The following GSE1 variants were observed in gnomAD, a reference collection of about 807,000 sequenced individuals.
The protein encoded by GSE1 is Gse1 coiled-coil protein.
In GSE1, 32 loss-of-function variants were observed where a neutral mutation model predicts 112.6. That is an observed-to-expected ratio of 0.28 (90% CI 0.21 to 0.38). GSE1 has a LOEUF of 0.38. Ranked by LOEUF, GSE1 falls within the 10% of genes least tolerant of loss-of-function variation. GSE1 has a pLI of 1.00. For missense variants in GSE1, 2,348 were observed against 1,699.2 expected, an observed-to-expected ratio of 1.38 and a Z score of -6.71; for synonymous variants, 1,115 against 735.6, an observed-to-expected ratio of 1.52 and a Z score of -8.35.
At chr16:85,535,231 C>T (rs1259184242) in intron 2 of GSE1, among the ~76,000 whole-genome samples, 1 of 152,190 alleles carries the variant, frequency 6.6e-6, no homozygotes, top group African/African-American at 2.4e-5. Flanking sequence ...TCCTGCCTCA[C>T]GGTGCCGAGA....
chr16:85,665,182 C>T, intron 12 of GSE1, 54 bp downstream of exon 12: 1 of 1,099,846 alleles, frequency 9.1e-7, no homozygotes, highest in Non-Finnish European at 1.4e-6. Context: ...CATGGGCTGC[C>T]CAGGCTCAGA....
intron 1 of GSE1, among the ~76,000 whole-genome samples, chr16:85,204,095 A>T (rs946629408): frequency 1.1e-4 from 17 of 152,158 alleles, no homozygotes; most frequent in African/African-American, 4.1e-4. Context: ...TAACCCCTAA[A>T]GGATACCCAT....
At chr16:85,395,352 G>A (rs1223109897) in intron 2 of GSE1, among the ~76,000 whole-genome samples, 7 of 152,144 alleles carry the variant, frequency 4.6e-5, no homozygotes, top group African/African-American at 1.4e-4. Context: ...AGATGATCGC[G>A]CCCTGCTGTG....
At chr16:85,643,334 C>A (rs2050597338) in intron 2 of GSE1, among the ~76,000 whole-genome samples, 1 of 152,194 alleles carries the variant, frequency 6.6e-6, no homozygotes, top group South Asian at 2.1e-4. Context: ...CAGGTGCCAG[C>A]CTCGCTAATG....
Position 85,675,784 on chromosome 16 carries a change from C to T in GSE1, c.*3245C>T, listed in dbSNP as rs1257538340. On this transcript the variant is annotated 3_prime_UTR_variant, in exon 16 of 16. Transcript: ENST00000253458. ...ATGGTCAGCACAAACCGATTCTGTTCCTCTTTAAAGTGTATATTAGCCACT... is the reference window on the plus strand; with the variant it reads ...ATGGTCAGCACAAACCGATTCTGTTTCTCTTTAAAGTGTATATTAGCCACT... 1 of 152,232 alleles carries T rather than the reference C, an allele frequency of 6.6e-6. No homozygotes were observed. Among genetic ancestry groups the T allele is most frequent in the Non-Finnish European group, 1.5e-5 (1 of 68,048 alleles). The allele number at this position is 152,232 out of a possible 1,614,324, so 9.4% of individuals were successfully genotyped here. A position where few individuals can be genotyped will look rare whatever the true frequency, so the allele number is the denominator to read the frequency against.
intron 1 of GSE1, among the ~76,000 whole-genome samples, chr16:85,316,958 A>T (rs1336642983): frequency 6.6e-6 from 1 of 152,170 alleles, no homozygotes; most frequent in African/African-American, 2.4e-5. Flanking sequence ...ACTTTTGGGG[A>T]ACCCACCTCT....
intron 14 of GSE1, 166 bp from the exon 15 acceptor site, chr16:85,670,829 T>C: frequency 1.8e-6 from 1 of 544,524 alleles, no homozygotes; most frequent in Non-Finnish European, 3.3e-6. Context: ...TATTTATCGG[T>C]ACAATTCAAA....
chr16:85,659,077 G>T (rs1460507834), intron 8 of GSE1, among the ~76,000 whole-genome samples: 1 of 152,206 alleles, frequency 6.6e-6, no homozygotes, highest in Non-Finnish European at 1.5e-5. Context: ...TCTCCTGCAG[G>T]TTTCATTCCC....
chr16:85,213,087 G>A (rs1035994764), intron 1 of GSE1, among the ~76,000 whole-genome samples: 1 of 152,042 alleles, frequency 6.6e-6, no homozygotes, highest in East Asian at 1.9e-4. Flanking sequence ...TGGCCAACAT[G>A]GTGAAACCCC....
At chr16:85,345,060 G>A (rs1002846417) in intron 1 of GSE1, among the ~76,000 whole-genome samples, 8 of 152,088 alleles carry the variant, frequency 5.3e-5, no homozygotes, top group Admixed American at 5.2e-4. Flanking sequence ...AGGAGTCGGC[G>A]TACACCGTGC....
Position 85,654,902 on chromosome 16 carries a change from G to A in GSE1, c.708G>A (p.Leu236=), listed in dbSNP as rs369171860. ...HTTDDLRMSS[L]PPLGLDPATA... ...CCGACGACCTCCGCATGTCCTCACT[G>A]CCTCCCCTCGGCCTGGACCCGGCCA... Residue 236 remains leucine (L), a synonymous_variant, in exon 5 of 16, where the codon CTG becomes CTA. Coordinates refer to ENST00000253458, the MANE Select transcript of GSE1 (RefSeq NM_014615.5). 6.2e-7 allele frequency: 1 copy of A among 1,611,590 alleles called. No individual in the cohort carries two copies. The highest frequency in any genetic ancestry group is 8.5e-7 in the Non-Finnish European group (1 of 1,179,508).
chr16:85,549,171 T>C (rs2044814741), intron 2 of GSE1, among the ~76,000 whole-genome samples: 1 of 151,344 alleles, frequency 6.6e-6, no homozygotes. Flanking sequence ...TTTTTTCTTT[T>C]TCTCTTCTTT....
chr16:85,486,838 C>T (rs540119243), intron 2 of GSE1, among the ~76,000 whole-genome samples: 1 of 152,338 alleles, frequency 6.6e-6, no homozygotes, highest in Admixed American at 6.5e-5. Context: ...GCTGGGGCCT[C>T]GCCGGTGCCT....
intron 1 of GSE1, among the ~76,000 whole-genome samples, chr16:85,354,104 G>C (rs569737035): frequency 1.2e-4 from 18 of 152,262 alleles, no homozygotes; most frequent in African/African-American, 3.6e-4. Context: ...CAGGAAGCCC[G>C]TGCGGATTTC....
At chr16:85,483,904 G>A (rs2050757531) in intron 2 of GSE1, among the ~76,000 whole-genome samples, 2 of 152,226 alleles carry the variant, frequency 1.3e-5, no homozygotes, top group South Asian at 4.1e-4. Context: ...CCCGTCACGG[G>A]TACAACTCTG....
At chr16:85,175,726 A>G (rs562858630) in intron 1 of GSE1, among the ~76,000 whole-genome samples, 1 of 152,274 alleles carries the variant, frequency 6.6e-6, no homozygotes, top group South Asian at 2.1e-4. Flanking sequence ...GGACGTGATA[A>G]TGCGGGTGAT....
chr16:85,180,572 C>G (rs535373584), intron 1 of GSE1, among the ~76,000 whole-genome samples: 7 of 152,256 alleles, frequency 4.6e-5, no homozygotes, highest in Non-Finnish European at 8.8e-5. Context: ...CATTGCCCCA[C>G]GTGACTGTCT....
intron 2 of GSE1, among the ~76,000 whole-genome samples, chr16:85,479,343 A>G (rs1463770334): frequency 1.3e-5 from 2 of 149,496 alleles, no homozygotes; most frequent in Admixed American, 1.3e-4. Flanking sequence ...TAGTTTTTGT[A>G]TTTTTAGTAG....
At chr16:85,336,251 T>C (rs1470048197) in intron 1 of GSE1, among the ~76,000 whole-genome samples, 1 of 152,216 alleles carries the variant, frequency 6.6e-6, no homozygotes, top group African/African-American at 2.4e-5. Context: ...GTTTGGGGAT[T>C]GGCTGATGGA....
Sources: gnomAD v4.1 joint callset for allele counts (sites outside exome capture counted in the v4.1 genomes callset) on GRCh38, gnomAD v4.1.1 for gene constraint, MANE v1.5 for transcripts, NCBI Gene and HGNC (gene_info 2026-07-23, HGNC 2026-07-21) for gene names.